Variants in HECW1 observed in about 807,000 individuals in gnomAD.
HECW1 encodes the protein E3 ubiquitin-protein ligase HECW1.
Under a neutral mutation model 182.3 loss-of-function variants are expected in HECW1, and 61 were observed. That is an observed-to-expected ratio of 0.33 (90% confidence interval 0.27 to 0.41). The LOEUF (loss-of-function observed/expected upper bound fraction) is 0.41, where lower values mean the gene tolerates loss of function less well. HECW1 is among the 10% of genes least tolerant of loss of function. The pLI is 1.00. For synonymous variants in HECW1, 859 were observed against 832.6 expected (o/e 1.03, Z -0.55); for missense variants, 1,739 against 2,108.9 (o/e 0.82, Z 3.44).
At chr7:43,208,519 T>C (rs1444629507) in intron 2 of HECW1, among the ~76,000 whole-genome samples, 1 of 152,240 alleles carries the variant, frequency 6.6e-6, no homozygotes, top group African/African-American at 2.4e-5. Context: ...GTCCCCAGGG[T>C]CTGGGCCTGG....
intron 2 of HECW1, among the ~76,000 whole-genome samples, chr7:43,192,921 T>C (rs564468727): frequency 6.6e-6 from 1 of 152,280 alleles, no homozygotes; most frequent in East Asian, 1.9e-4. Flanking sequence ...AGTAAAGTCA[T>C]AAAAGGGTGG....
At chr7:43,419,974 A>G (rs2076129902) in intron 8 of HECW1, among the ~76,000 whole-genome samples, 2 of 152,244 alleles carry the variant, frequency 1.3e-5, no homozygotes, top group Non-Finnish European at 2.9e-5. Context: ...ACTTTTTAAA[A>G]GGGGCAAAGG....
chr7:43,303,099 C>T (rs1347621943), intron 3 of HECW1, among the ~76,000 whole-genome samples: 1 of 152,172 alleles, frequency 6.6e-6, no homozygotes, highest in African/African-American at 2.4e-5. Flanking sequence ...CCCACACCCA[C>T]AGCCCCCTGC....
intron 5 of HECW1, among the ~76,000 whole-genome samples, chr7:43,348,243 G>A (rs557827685): frequency 1.4e-4 from 22 of 152,176 alleles, no homozygotes; most frequent in African/African-American, 4.3e-4. Flanking sequence ...TAAGCTAAGA[G>A]GGCTGTATTT....
At chr7:43,207,314 G>A (rs1361939481) in intron 2 of HECW1, among the ~76,000 whole-genome samples, 1 of 152,132 alleles carries the variant, frequency 6.6e-6, no homozygotes, top group Non-Finnish European at 1.5e-5. Flanking sequence ...CCAAAGTGCT[G>A]GGATTACAGA....
Position 43,541,030 on chromosome 7 carries a change from T to C in HECW1, c.4020-133T>C, listed in dbSNP as rs2081346257. ...AAAAGGACAAGAACAGGTGCCTCCC[T>C]TGTGTCATCAATGAGAAGATTCCTT... On this transcript the variant is annotated intron_variant, in intron 24 of 29. Coordinates refer to ENST00000395891, the MANE Select transcript of HECW1 (RefSeq NM_015052.5). The C allele has an allele frequency of 5.6e-6, 4 of 713,798 alleles. No individual in the cohort carries two copies. The East Asian group carries it at 8.0e-5, about 14-fold the overall frequency. The allele number at this position is 713,798 out of a possible 1,614,324, so 44.2% of individuals were successfully genotyped here.
intron 2 of HECW1, among the ~76,000 whole-genome samples, chr7:43,236,246 A>G (rs1798324000): frequency 6.6e-6 from 1 of 152,226 alleles, no homozygotes; most frequent in Non-Finnish European, 1.5e-5. Context: ...ATTATGATAT[A>G]TTAAGTGATT....
chr7:43,544,112 T>G (rs2081468258), intron 26 of HECW1, among the ~76,000 whole-genome samples: 1 of 152,328 alleles, frequency 6.6e-6, no homozygotes, highest in African/African-American at 2.4e-5. Flanking sequence ...AATCTTGCAC[T>G]AAAGAATGCT....
chr7:43,437,106 C>T (rs184394059), intron 8 of HECW1, among the ~76,000 whole-genome samples: 2 of 152,194 alleles, frequency 1.3e-5, no homozygotes, highest in African/African-American at 4.8e-5. Flanking sequence ...CAGCCCACTT[C>T]CTGGACTTCA....
intron 3 of HECW1, among the ~76,000 whole-genome samples, chr7:43,281,019 A>C (rs754285817): frequency 6.6e-6 from 1 of 152,138 alleles, no homozygotes; most frequent in Non-Finnish European, 1.5e-5. Context: ...ATTGGCATTT[A>C]AGATTTTTGA....
chr7:43,237,563 G>A (rs527899886), intron 2 of HECW1, among the ~76,000 whole-genome samples: 3 of 152,176 alleles, frequency 2.0e-5, no homozygotes, highest in African/African-American at 4.8e-5. Context: ...TCTGTAAAGT[G>A]TAGACAGTTA....
intron 26 of HECW1, among the ~76,000 whole-genome samples, chr7:43,548,128 G>A (rs193210853): frequency 6.1e-4 from 93 of 152,280 alleles, no homozygotes; most frequent in African/African-American, 2.0e-3. Flanking sequence ...GTGTTTGTGT[G>A]TGTACATTTT....
At chr7:43,174,256 C>A (rs1400067814) in intron 2 of HECW1, among the ~76,000 whole-genome samples, 1 of 152,134 alleles carries the variant, frequency 6.6e-6, no homozygotes, top group African/African-American at 2.4e-5. Context: ...CATTTTCTGA[C>A]ACATCATCAT....
At chr7:43,306,502 C>T (rs958746475) in intron 3 of HECW1, among the ~76,000 whole-genome samples, 2 of 152,052 alleles carry the variant, frequency 1.3e-5, no homozygotes, top group South Asian at 2.1e-4. Context: ...AAAAGTATTA[C>T]GTTCTTTCTT....
chr7:43,286,936 A>T (rs571149607), intron 3 of HECW1, among the ~76,000 whole-genome samples: 15 of 152,314 alleles, frequency 9.8e-5, no homozygotes, highest in African/African-American at 3.6e-4. Flanking sequence ...CAATGATAGC[A>T]ATGACATTCT....
intron 28 of HECW1, 51 bp from the exon 29 acceptor site, chr7:43,554,541 C>T: frequency 2.0e-6 from 3 of 1,507,636 alleles, no homozygotes; most frequent in Non-Finnish European, 2.7e-6. Context: ...CTCCTCACCC[C>T]TTCCTCTTTT....
chr7:43,255,715 C>A (rs10272828), intron 3 of HECW1, among the ~76,000 whole-genome samples: 7,466 of 151,970 alleles, frequency 0.049, 241 homozygotes, highest in South Asian at 0.11. Context: ...CAGGAGATGA[C>A]ATGATGAGCC....
chr7:43,508,782 C>G (rs150021905), intron 23 of HECW1, 187 bp from the exon 24 acceptor site: 81 of 631,594 alleles, frequency 1.3e-4, no homozygotes, highest in African/African-American at 1.3e-3. Flanking sequence ...ATCTCCAAAC[C>G]AATTACTGCA....
chr7:43,117,353 C>G (rs1329480702), intron 2 of HECW1, among the ~76,000 whole-genome samples: 1 of 152,082 alleles, frequency 6.6e-6, no homozygotes, highest in African/African-American at 2.4e-5. Flanking sequence ...TTTTCCACTT[C>G]TTTAGCTCCA....
Sources: gnomAD v4.1 joint callset for allele counts (sites outside exome capture counted in the v4.1 genomes callset) on GRCh38, gnomAD v4.1.1 for gene constraint, MANE v1.5 for transcripts, NCBI Gene and HGNC (gene_info 2026-07-23, HGNC 2026-07-21) for gene names.